Variants in KCNIP4 observed in about 807,000 individuals in gnomAD.
KCNIP4 encodes the protein potassium voltage-gated channel interacting protein 4, also known as Kv channel-interacting protein 4.
A neutral mutation model predicts 34.0 loss-of-function variants in KCNIP4; 12 were observed. The ratio of observed to expected loss-of-function variants is 0.35; its 90% CI spans 0.23 to 0.57. The LOEUF is 0.57. Ranked by LOEUF, KCNIP4 falls within the 20% of genes least tolerant of loss-of-function variation. The pLI is 0.83. For missense variants in KCNIP4, 238 were observed against 311.7 expected (o/e 0.76, Z 1.78); for synonymous variants, 124 against 102.2 (o/e 1.21, Z -1.29).
At chr4:21,168,957 T>C (rs1753817702) in intron 1 of KCNIP4, among the ~76,000 whole-genome samples, 1 of 152,286 alleles carries the variant, frequency 6.6e-6, no homozygotes, top group African/African-American at 2.4e-5. Context: ...GTCTTTGATC[T>C]ATGACGGCTA....
In KCNIP4 at chr4:21,813,024, C is replaced by T. The variant is rs1234633444; in HGVS notation, c.61+135547G>A. ...TGCCTAGGTCCAGCTTGCCTAGGTG[C>T]CCCCAAGAGGCTACATCTTCTAATG... On this transcript the variant is annotated intron_variant, in intron 1 of 8. Coordinates refer to ENST00000382152, the MANE Select transcript of KCNIP4 (RefSeq NM_025221.6). Among the ~76,000 whole-genome samples the T allele has an allele frequency of 2.6e-5, 4 of 152,114 alleles. No homozygotes were observed. In the East Asian group the frequency reaches 7.7e-4, roughly 29 times the overall value.
chr4:20,826,243 C>A lies in KCNIP4; in HGVS notation c.288+24300G>T, dbSNP rs191265229. Among the ~76,000 whole-genome samples the A allele has an allele frequency of 4.6e-4, 70 of 152,160 alleles. 3 individuals carry two copies. The highest frequency in any genetic ancestry group is 4.6e-3 in the Admixed American group (70 of 15,266). On this transcript the variant is annotated intron_variant, in intron 3 of 8. Coordinates refer to ENST00000382152, the MANE Select transcript of KCNIP4 (RefSeq NM_025221.6). ...GGAGAGGCATGTGCCTATTTATTGGCTGAGAGGAAGGAGCTTATAGAAAGT... is the reference window on the plus strand; with the variant it reads ...GGAGAGGCATGTGCCTATTTATTGGATGAGAGGAAGGAGCTTATAGAAAGT...
At chr4:21,266,792 C>T (rs4697214) in intron 1 of KCNIP4, among the ~76,000 whole-genome samples, 66,816 of 151,690 alleles carry the variant, frequency 0.44, 15,379 homozygotes, top group South Asian at 0.57. Context: ...AGGCCTTGGA[C>T]ACCATGGTAA....
chr4:20,904,918 A>G (rs897146955), intron 1 of KCNIP4, among the ~76,000 whole-genome samples: 1 of 152,166 alleles, frequency 6.6e-6, no homozygotes, highest in Non-Finnish European at 1.5e-5. Context: ...GAGGAAGAGG[A>G]TGAGGCATGG....
At chr4:21,098,180 G>C (rs968086488) in intron 1 of KCNIP4, among the ~76,000 whole-genome samples, 5 of 152,184 alleles carry the variant, frequency 3.3e-5, no homozygotes, top group Non-Finnish European at 5.9e-5. Flanking sequence ...GAAGCTAACA[G>C]TGGTTGATTA....
intron 1 of KCNIP4, among the ~76,000 whole-genome samples, chr4:21,393,508 T>C (rs1722728604): frequency 6.6e-6 from 1 of 152,030 alleles, no homozygotes; most frequent in Non-Finnish European, 1.5e-5. Flanking sequence ...AGAAAGAAAG[T>C]CCCTTGTTGG....
chr4:21,906,526 T>G (rs1484361451), intron 1 of KCNIP4, among the ~76,000 whole-genome samples: 1 of 152,168 alleles, frequency 6.6e-6, no homozygotes, highest in Non-Finnish European at 1.5e-5. Flanking sequence ...TCAGAGCCCA[T>G]GCTGGCACCT....
chr4:21,283,798 A>C (rs1762932632), intron 1 of KCNIP4, among the ~76,000 whole-genome samples: 1 of 151,904 alleles, frequency 6.6e-6, no homozygotes, highest in Non-Finnish European at 1.5e-5. Flanking sequence ...CTTAAAGTAT[A>C]ATAATAAAAT....
chr4:21,419,044 C>T (rs1725214707), intron 1 of KCNIP4, among the ~76,000 whole-genome samples: 2 of 152,156 alleles, frequency 1.3e-5, no homozygotes, highest in Non-Finnish European at 2.9e-5. Flanking sequence ...GGGCCTTCTA[C>T]TCGGGAGTTT....
At chr4:21,798,512 GAA>G (rs3052679) in intron 1 of KCNIP4, among the ~76,000 whole-genome samples, 22 of 102,548 alleles carry the variant, frequency 2.1e-4, no homozygotes, top group South Asian at 9.4e-4. Context: ...AAGACCCTGG[GAA>G]AAAAAAAAAA....
At chr4:21,369,817 A>G (rs1720149305) in intron 1 of KCNIP4, among the ~76,000 whole-genome samples, 1 of 68,664 alleles carries the variant, frequency 1.5e-5, no homozygotes, top group Admixed American at 1.8e-4. Flanking sequence ...TAACCCAAAT[A>G]ATTTTTTTTT....
chr4:21,874,104 C>T (rs1380995914), intron 1 of KCNIP4, among the ~76,000 whole-genome samples: 1 of 152,144 alleles, frequency 6.6e-6, no homozygotes, highest in African/African-American at 2.4e-5. Flanking sequence ...CACTGTTATT[C>T]GAAGGGGGCA....
intron 1 of KCNIP4, among the ~76,000 whole-genome samples, chr4:21,839,752 T>C (rs1231235289): frequency 8.0e-6 from 1 of 125,724 alleles, no homozygotes; most frequent in Non-Finnish European, 2.0e-5. Flanking sequence ...CAAAACTCCA[T>C]CTCAAAAAAA....
At chr4:20,922,146 C>T (rs1729444167) in intron 1 of KCNIP4, among the ~76,000 whole-genome samples, 1 of 152,230 alleles carries the variant, frequency 6.6e-6, no homozygotes, top group South Asian at 2.1e-4. Flanking sequence ...TGATGGTTAA[C>T]TTTATATGTC....
At chr4:21,462,161 A>G (rs1257272109) in intron 1 of KCNIP4, among the ~76,000 whole-genome samples, 1 of 152,110 alleles carries the variant, frequency 6.6e-6, no homozygotes, top group African/African-American at 2.4e-5. Flanking sequence ...AAGTAACCGT[A>G]ACTTTCTCCC....
chr4:21,745,888 A>C (rs1716744186), intron 1 of KCNIP4, among the ~76,000 whole-genome samples: 1 of 152,308 alleles, frequency 6.6e-6, no homozygotes, highest in Middle Eastern at 3.4e-3. Flanking sequence ...CCTAATAAAT[A>C]AATAGGTAAA....
At chr4:21,034,585 A>T (rs1741291699) in intron 1 of KCNIP4, among the ~76,000 whole-genome samples, 1 of 152,066 alleles carries the variant, frequency 6.6e-6, no homozygotes, top group Admixed American at 6.6e-5. Context: ...GTTCTGGGTG[A>T]CTGGGGACAG....
intron 1 of KCNIP4, among the ~76,000 whole-genome samples, chr4:21,275,421 C>T (rs560887031): frequency 5.3e-5 from 8 of 152,302 alleles, no homozygotes; most frequent in East Asian, 1.9e-4. Flanking sequence ...AACCTCAATG[C>T]GAGCAACTCA....
At chr4:21,110,206 CAATT>C (rs1489788941) in intron 1 of KCNIP4, among the ~76,000 whole-genome samples, 1 of 152,096 alleles carries the variant, frequency 6.6e-6, no homozygotes, top group Non-Finnish European at 1.5e-5. Context: ...ACAAAATAAA[CAATT>C]AAAAGCATAC....
Sources: gnomAD v4.1 joint callset for allele counts (sites outside exome capture counted in the v4.1 genomes callset) on GRCh38, gnomAD v4.1.1 for gene constraint, MANE v1.5 for transcripts, NCBI Gene and HGNC (gene_info 2026-07-23, HGNC 2026-07-21) for gene names.